The following CNTN4 variants were observed in gnomAD, a reference collection of about 807,000 sequenced individuals.
CNTN4 encodes contactin-4.
Under a neutral mutation model 122.5 loss-of-function variants are expected in CNTN4, and 77 were observed. The ratio of observed to expected loss-of-function variants is 0.63; its 90% CI spans 0.52 to 0.76. The LOEUF (loss-of-function observed/expected upper bound fraction) is 0.76. Among genes scored for constraint, CNTN4 ranks in the 30% least tolerant of loss-of-function variants. The pLI, the probability that CNTN4 is intolerant of heterozygous loss-of-function variation, is 0.00. For synonymous variants in CNTN4, 512 were observed against 447.0 expected (o/e 1.15, Z -1.83); for missense variants, 1,256 against 1,259.1 (o/e 1.00, Z 0.04).
Position 2,520,259 on chromosome 3 carries a change from C to CTTTTTTTTTTT in CNTN4, c.-88-51136_-88-51126dup, listed in dbSNP as rs397988483. On this transcript the variant is annotated intron_variant, in intron 3 of 24. Transcript: ENST00000418658. ...AAAAAGATAGGTTGGTGATTGCTTC[C>CTTTTTTTTTTT]TTTTTTTTTTTTTTTTTTTTTTTTT... 3.1e-4 allele frequency among the ~76,000 whole-genome samples: 23 copies of CTTTTTTTTTTT among 74,466 alleles called. 1 individual carries two copies. Among genetic ancestry groups the CTTTTTTTTTTT allele is most frequent in the African/African-American group, 1.5e-3 (21 of 13,850 alleles). 48.9% of individuals were successfully genotyped at this position (74,466 alleles called of 152,430 possible).
chr3:2,331,728 C>T (rs2043730023), intron 2 of CNTN4, among the ~76,000 whole-genome samples: 2 of 152,154 alleles, frequency 1.3e-5, no homozygotes, highest in African/African-American at 2.4e-5. Flanking sequence ...TCCAGCCTGT[C>T]TATTGGAACT....
chr3:2,749,087 T>A (rs1040902227), intron 6 of CNTN4, among the ~76,000 whole-genome samples: 4 of 152,146 alleles, frequency 2.6e-5, no homozygotes, highest in African/African-American at 9.7e-5. Context: ...TTCCATCATT[T>A]CTCCTCCTCT....
At chr3:2,220,635 T>C (rs2039025434) in intron 2 of CNTN4, among the ~76,000 whole-genome samples, 1 of 152,114 alleles carries the variant, frequency 6.6e-6, no homozygotes, top group South Asian at 2.1e-4. Context: ...AATTAACTTT[T>C]GAAGCCTCAG....
At chr3:2,410,069 T>C (rs1207733034) in intron 3 of CNTN4, among the ~76,000 whole-genome samples, 1 of 152,234 alleles carries the variant, frequency 6.6e-6, no homozygotes, top group Non-Finnish European at 1.5e-5. Flanking sequence ...CATTTACCGA[T>C]ATTAACTTAG....
chr3:2,415,628 C>A (rs1312021595), intron 3 of CNTN4, among the ~76,000 whole-genome samples: 1 of 152,106 alleles, frequency 6.6e-6, no homozygotes, highest in Non-Finnish European at 1.5e-5. Context: ...TTCTGTGGGA[C>A]CCAGTGTTTG....
In CNTN4 at chr3:2,381,125, C is replaced by A. The variant is rs1226524445; in HGVS notation, c.-89+41892C>A. 5.3e-5 allele frequency among the ~76,000 whole-genome samples: 8 copies of A among 152,124 alleles called. No homozygotes were observed. In the South Asian group the frequency reaches 1.7e-3, roughly 32 times the overall value. On this transcript the variant is annotated intron_variant, in intron 3 of 24. Coordinates refer to ENST00000418658, the MANE Select transcript of CNTN4 (RefSeq NM_175607.3). ...GGTTCCCGCCATTCTCCTGCCTCAGCCTCCTGAGTAGCTGGGACTACAGGC... is the reference window on the plus strand; with the variant it reads ...GGTTCCCGCCATTCTCCTGCCTCAGACTCCTGAGTAGCTGGGACTACAGGC...
chr3:2,970,148 G>A (rs1692753841), intron 13 of CNTN4, among the ~76,000 whole-genome samples: 1 of 152,158 alleles, frequency 6.6e-6, no homozygotes, highest in Admixed American at 6.5e-5. Flanking sequence ...CTGGAGTGCA[G>A]CAGCAGCATA....
rs151327786 is a variant in CNTN4, at chr3:2,712,100, A to G, written c.56-24115A>G. ...TATACATTCATTAAAAATGCAGTCT[A>G]TGGAGGCTCTGTAGAAATATGGAAA... On this transcript the variant is annotated intron_variant, in intron 4 of 24. Coordinates refer to ENST00000418658, the MANE Select transcript of CNTN4 (RefSeq NM_175607.3). Among the ~76,000 whole-genome samples the G allele has an allele frequency of 3.4e-3, 523 of 152,332 alleles. 6 individuals are homozygous for G. The highest frequency in any genetic ancestry group is 0.012 in the African/African-American group (483 of 41,584).
chr3:2,839,495 A>G (rs1322491262), intron 7 of CNTN4, among the ~76,000 whole-genome samples: 1 of 152,014 alleles, frequency 6.6e-6, no homozygotes, highest in Admixed American at 6.6e-5. Context: ...AAGCTTCTAA[A>G]TATAGAGGGG....
intron 2 of CNTN4, among the ~76,000 whole-genome samples, chr3:2,170,819 A>C (rs2036469892): frequency 6.6e-6 from 1 of 152,180 alleles, no homozygotes; most frequent in African/African-American, 2.4e-5. Context: ...AAATAGAACA[A>C]ACCGTAGTTA....
At chr3:2,679,007 A>G (rs900699665) in intron 4 of CNTN4, among the ~76,000 whole-genome samples, 16 of 152,162 alleles carry the variant, frequency 1.1e-4, no homozygotes, top group Non-Finnish European at 1.5e-5. Flanking sequence ...AATGCCCCCT[A>G]TATATCTGTT....
intron 7 of CNTN4, among the ~76,000 whole-genome samples, chr3:2,821,865 G>A (rs2092883428): frequency 6.6e-6 from 1 of 152,130 alleles, no homozygotes; most frequent in Admixed American, 6.5e-5. Flanking sequence ...CTTTCCACAT[G>A]TTTAAAAGAA....
intron 7 of CNTN4, 181 bp from the exon 8 acceptor site, chr3:2,866,571 A>G: frequency 2.5e-6 from 3 of 1,218,262 alleles, no homozygotes; most frequent in Non-Finnish European, 3.3e-6. Flanking sequence ...ATTGACTGAT[A>G]GTAGAAAGGC....
intron 4 of CNTN4, among the ~76,000 whole-genome samples, chr3:2,706,488 C>G (rs933522101): frequency 2.0e-5 from 3 of 152,104 alleles, no homozygotes; most frequent in Non-Finnish European, 4.4e-5. Flanking sequence ...TTGCAATTTG[C>G]GATTTGCAAA....
intron 4 of CNTN4, among the ~76,000 whole-genome samples, chr3:2,722,858 T>C (rs62232733): frequency 0.18 from 27,487 of 152,130 alleles, 2,908 homozygotes; most frequent in East Asian, 0.41. Flanking sequence ...AGAGGATACT[T>C]TAGGACAGAA....
Position 2,692,794 on chromosome 3 carries a change from A to G in CNTN4, c.56-43421A>G, listed in dbSNP as rs145270744. Among the ~76,000 whole-genome samples the G allele has an allele frequency of 1.7e-3, 254 of 152,252 alleles. 1 individual carries two copies. Among genetic ancestry groups the G allele is most frequent in the African/African-American group, 5.7e-3 (236 of 41,556 alleles). On this transcript the variant is annotated intron_variant, in intron 4 of 24. Transcript: ENST00000418658. The stretch of plus-strand genomic sequence containing the variant: ...TCATTGTATAAAAATTTTAGCTCAA[A>G]TGAACAAAAGACCTCTCATTTTTAT...
intron 13 of CNTN4, among the ~76,000 whole-genome samples, chr3:2,984,198 T>C (rs1374720349): frequency 5.6e-5 from 8 of 142,086 alleles, no homozygotes; most frequent in African/African-American, 2.1e-4. Context: ...TTTTATGCAA[T>C]GCAGATACCA....
intron 13 of CNTN4, among the ~76,000 whole-genome samples, chr3:2,964,386 T>C (rs1353782217): frequency 6.6e-6 from 1 of 152,200 alleles, no homozygotes; most frequent in Non-Finnish European, 1.5e-5. Flanking sequence ...AAATGATACA[T>C]GTTTTTCACC....
intron 23 of CNTN4, among the ~76,000 whole-genome samples, chr3:3,052,841 C>T (rs1701399210): frequency 6.6e-6 from 1 of 152,200 alleles, no homozygotes; most frequent in South Asian, 2.1e-4. Flanking sequence ...GGTTACTACT[C>T]TTGCCTTTCC....
Sources: allele counts gnomAD v4.1 joint callset (sites outside exome capture counted in the v4.1 genomes callset), GRCh38; gene constraint gnomAD v4.1.1; transcripts MANE v1.5; gene names NCBI Gene and HGNC (gene_info 2026-07-23, HGNC 2026-07-21).